The following GRIK5 variants were observed in gnomAD, a reference collection of about 807,000 sequenced individuals.
GRIK5 encodes the protein glutamate ionotropic receptor kainate type subunit 5.
In GRIK5, 43 loss-of-function variants were observed where a neutral mutation model predicts 97.4. The ratio of observed to expected loss-of-function variants is 0.44; its 90% confidence interval spans 0.35 to 0.57. The LOEUF is 0.57. Among genes scored for constraint, GRIK5 ranks in the 20% least tolerant of loss-of-function variants. The pLI is 0.01. For synonymous variants in GRIK5, 580 were observed against 583.5 expected, an observed-to-expected ratio of 0.99 and a Z score of 0.09; for missense variants, 1,015 against 1,382.0, an observed-to-expected ratio of 0.73 and a Z score of 4.21.
rs267605508 is a variant in GRIK5, at chr19:42,062,544, C to T, written c.452G>A (p.Arg151Gln). ...GGGGTAGTTGAAGGACTTGAGGATTCGGGAGACCGCCAAGCTGACGTCCTC... is the reference window on the plus strand; with the variant it reads ...GGGGTAGTTGAAGGACTTGAGGATTTGGGAGACCGCCAAGCTGACGTCCTC... Reference protein sequence around the residue: ...SNEDVSLAVSRILKSFNYPSA... With the variant: ...SNEDVSLAVSQILKSFNYPSA... The change falls in exon 5 of 20, where the codon CGA becomes CAA. Residue 151 changes from arginine to glutamine, a missense_variant. Transcript: ENST00000593562. This position sits in a 1 kb window ranked among gnomAD's most constrained non-coding sequence, Gnocchi z 5.3. The T allele has an allele frequency of 6.2e-7, 1 of 1,614,154 alleles. No individual in the cohort carries two copies. Among genetic ancestry groups the T allele is most frequent in the Non-Finnish European group, 8.5e-7 (1 of 1,180,016 alleles).
At position 42,022,137 on chromosome 19, in the gene GRIK5, A is replaced by G; in HGVS notation, c.1588-81T>C. The G allele has an allele frequency of 3.6e-6, 5 of 1,397,120 alleles. No individual in the cohort carries two copies. The highest frequency in any genetic ancestry group is 1.0e-6 in the Non-Finnish European group (1 of 995,894). 86.5% of individuals were successfully genotyped at this position (1,397,120 alleles called of 1,614,324 possible). On this transcript the variant is annotated intron_variant, in intron 13 of 19. Coordinates refer to ENST00000593562, the MANE Select transcript of GRIK5 (RefSeq NM_002088.5). The surrounding 1 kb of genome is among the most constrained non-coding windows in gnomAD (Gnocchi z 4.2). ...GCCCCTGCCCTACCAGGGACCTGGG[A>G]GCCTGACCGGCCCATCTGAGGTCCT...
At position 42,042,028 on chromosome 19, in the gene GRIK5, A is replaced by G. The variant is rs557215384; in HGVS notation, c.1473+524T>C. 6.6e-6 allele frequency among the ~76,000 whole-genome samples: 1 copy of G among 152,296 alleles called. No individual in the cohort carries two copies. The highest frequency in any genetic ancestry group is 1.5e-5 in the Non-Finnish European group (1 of 68,016). ...GTGCTCACAGTGGGATCCCATGCCC[A>G]GCAAGAGGCAAGGCACATAGTAGGT... On this transcript the variant is annotated intron_variant, in intron 12 of 19. Transcript: ENST00000593562. The surrounding 1 kb of genome is among the most constrained non-coding windows in gnomAD (Gnocchi z 6.9).
chr19:42,057,038 G>T (rs1316109290), intron 6 of GRIK5, 60 bp from the exon 7 acceptor site: 3 of 1,280,950 alleles, frequency 2.3e-6, no homozygotes, highest in Non-Finnish European at 3.3e-6. Context: ...GGCAGAGATG[G>T]GGAGGACTCA....
intron 11 of GRIK5, among the ~76,000 whole-genome samples, chr19:42,046,579 C>T (rs569088391): frequency 1.4e-4 from 21 of 151,976 alleles, no homozygotes; most frequent in Non-Finnish European, 2.6e-4. Context: ...CTAATTTGGG[C>T]CAAGTTAAAA....
chr19:42,066,182 C>T (rs1462618075), intron 1 of GRIK5, among the ~76,000 whole-genome samples: 1 of 152,054 alleles, frequency 6.6e-6, no homozygotes, highest in East Asian at 1.9e-4. Flanking sequence ...AAGTGCCACC[C>T]CCCACCCAGT....
At chr19:42,056,590 A>C (rs2076188507) in intron 8 of GRIK5, 72 bp downstream of exon 8, 1 of 1,304,712 alleles carries the variant, frequency 7.7e-7, no homozygotes, top group Non-Finnish European at 1.1e-6. Flanking sequence ...GATCTGAGTG[A>C]GGTCTGAAAG....
At chr19:42,007,251 C>T (rs993008121) in intron 15 of GRIK5, among the ~76,000 whole-genome samples, 1 of 152,040 alleles carries the variant, frequency 6.6e-6, no homozygotes, top group African/African-American at 2.4e-5. Context: ...CCCACCATCA[C>T]GCCCGGCTAA....
intron 1 of GRIK5, among the ~76,000 whole-genome samples, chr19:42,066,234 G>A (rs901472237): frequency 1.3e-5 from 2 of 151,736 alleles, no homozygotes; most frequent in South Asian, 2.1e-4. Flanking sequence ...CTAGGCAACA[G>A]AAACCGGCTG....
chr19:42,059,343 C>A lies in GRIK5; in HGVS notation c.687+6G>T, dbSNP rs771232352. 5 of 1,607,040 alleles carry A rather than the reference C, an allele frequency of 3.1e-6. No individual in the cohort carries two copies. In the South Asian group the frequency reaches 5.5e-5, roughly 18 times the overall value. On this transcript the variant is annotated splice_donor_region_variant and intron_variant, in intron 6 of 19. Coordinates refer to ENST00000593562, the MANE Select transcript of GRIK5 (RefSeq NM_002088.5). ...TCCTTTGGGAAATCAGAGGTAGGGG[C>A]CTCACCTTACGGAGGATGAGGTGGG...
Position 42,053,647 on chromosome 19 carries a change from C to T in GRIK5, c.1224G>A (p.Leu408=). The T allele has an allele frequency of 6.2e-7, 1 of 1,613,720 alleles. No individual in the cohort carries two copies. Residue 408 remains leucine (L), a synonymous_variant, in exon 11 of 20, where the codon CTG becomes CTA. Coordinates refer to ENST00000593562, the MANE Select transcript of GRIK5 (RefSeq NM_002088.5). The part of the protein sequence containing the change: ...AMNATTLDIN[L]SQTLANKTLV... The stretch of plus-strand genomic sequence containing the variant: ...GGGTCTTGTTGGCCAGTGTCTGCGA[C>T]AGGTTGATGTCCAGGGTGGTGGCAT...
chr19:42,040,975 G>A (rs905601354), intron 12 of GRIK5, among the ~76,000 whole-genome samples: 4 of 152,128 alleles, frequency 2.6e-5, no homozygotes, highest in African/African-American at 9.7e-5. Context: ...CAGCTTTATG[G>A]GGCAGCGCCT....
chr19:42,058,549 C>T (rs1410015188), intron 6 of GRIK5, among the ~76,000 whole-genome samples: 2 of 148,570 alleles, frequency 1.3e-5, no homozygotes, highest in East Asian at 2.0e-4. Context: ...GGTTATTGGC[C>T]GGGTGTGGTG....
At position 42,036,109 on chromosome 19, in the gene GRIK5, G is replaced by C. The variant is rs148133430; in HGVS notation, c.1473+6443C>G. 2.4e-4 allele frequency among the ~76,000 whole-genome samples: 36 copies of C among 152,094 alleles called. No individual in the cohort carries two copies. In the East Asian group the frequency reaches 4.8e-3, roughly 20 times the overall value. ...AGTCTCACTCTTGTCGCCCAGGCTG[G>C]AATGCAGTGGCGCAATCTCGGCTCA... is the stretch of plus-strand genomic sequence containing the variant. On this transcript the variant is annotated intron_variant, in intron 12 of 19. Transcript: ENST00000593562.
chr19:42,038,484 G>A (rs1487341468), intron 12 of GRIK5, among the ~76,000 whole-genome samples: 1 of 152,248 alleles, frequency 6.6e-6, no homozygotes, highest in African/African-American at 2.4e-5. Context: ...GTACATTTGA[G>A]AAAACGGGGC....
At position 42,065,767 on chromosome 19, in the gene GRIK5, G is replaced by A. The variant is rs769379435; in HGVS notation, c.4C>T (p.Pro2Ser). MPAELLLLLIVA... is the reference protein window; with the variant it reads MSAELLLLLIVA... ...ATCAGCAGCAGCAGCAGCTCAGCCG[G>A]CATCTTCCTCCCCTCCTCATGGGGA... The change falls in exon 2 of 20, where the codon CCG (proline) becomes TCG (serine). Residue 2 changes from proline (P) to serine (S), a missense_variant. Around this residue, in one of 5 missense-constraint regions of GRIK5, gnomAD observed 198 missense variants for 218.2 expected, o/e 0.91. Transcript: ENST00000593562. This position sits in a 1 kb window ranked among gnomAD's most constrained non-coding sequence, Gnocchi z 5.8. The A allele has an allele frequency of 2.3e-5, 36 of 1,580,422 alleles. No individual in the cohort carries two copies. Among genetic ancestry groups the A allele is most frequent in the South Asian group, 1.3e-4 (11 of 86,528 alleles).
At chr19:42,066,507 A>T (rs2076334458) in intron 1 of GRIK5, among the ~76,000 whole-genome samples, 1 of 151,578 alleles carries the variant, frequency 6.6e-6, no homozygotes, top group Non-Finnish European at 1.5e-5. Context: ...AGAAGGGAGG[A>T]AACAGAGAAA....
Position 42,002,068 on chromosome 19 carries a change from C to G in GRIK5, c.2514+1264G>C. On this transcript the variant is annotated intron_variant, in intron 19 of 19. Coordinates refer to ENST00000593562, the MANE Select transcript of GRIK5 (RefSeq NM_002088.5). This position sits in a 1 kb window ranked among gnomAD's most constrained non-coding sequence, Gnocchi z 5.2. ...GAGGATTGAGAGTGACTGGCTGTGC[C>G]GAAGCCCACTGCTACCTCATATACA... 1 of 683,660 alleles carries G rather than the reference C, an allele frequency of 1.5e-6. No individual in the cohort carries two copies. The highest frequency in any genetic ancestry group is 2.7e-6 in the Non-Finnish European group (1 of 368,088). 42.3% of individuals were successfully genotyped at this position (683,660 alleles called of 1,614,324 possible).
chr19:42,033,296 C>T (rs936739503), intron 12 of GRIK5, among the ~76,000 whole-genome samples: 1 of 118,940 alleles, frequency 8.4e-6, no homozygotes, highest in African/African-American at 3.3e-5. Flanking sequence ...CCAGCCTGGG[C>T]GAGAAAGCAA....
In GRIK5 at chr19:41,999,251, A is replaced by G; in HGVS notation, c.2563T>C (p.Cys855Arg). ...CGGCGGGAACGCGACGTCTTGCGGC[A>G]AGAAACGGCGTGGCGCAGCTCCTGC... is the stretch of plus-strand genomic sequence containing the variant. ...MLQELRHAVSCRKTSRSRRRR... is the reference protein window; with the variant it reads ...MLQELRHAVSRRKTSRSRRRR... The change falls in exon 20 of 20, where the codon TGC becomes CGC. Residue 855 changes from cysteine (C) to arginine (R), a missense_variant. Transcript: ENST00000593562. The surrounding 1 kb of genome is among the most constrained non-coding windows in gnomAD (Gnocchi z 5.0). 6.6e-7 allele frequency: 1 copy of G among 1,524,186 alleles called. No homozygotes were observed. Among genetic ancestry groups the G allele is most frequent in the Non-Finnish European group, 8.8e-7 (1 of 1,142,624 alleles). The allele number at this position is 1,524,186 out of a possible 1,614,324, so 94.4% of individuals were successfully genotyped here.
Sources: allele counts gnomAD v4.1 joint callset (sites outside exome capture counted in the v4.1 genomes callset), GRCh38; gene constraint gnomAD v4.1.1; regional missense constraint gnomAD v4.1.1; non-coding constraint Gnocchi (gnomAD v3.1); transcripts MANE v1.5; gene names NCBI Gene and HGNC (gene_info 2026-07-23, HGNC 2026-07-21).